The following CTNNA2 variants were observed in gnomAD, a reference collection of about 807,000 sequenced individuals.
CTNNA2 encodes catenin alpha-2.
In CTNNA2, 42 loss-of-function variants were observed where a neutral mutation model predicts 101.0. That is an observed-to-expected ratio of 0.42 (90% CI 0.32 to 0.54). CTNNA2 has a LOEUF of 0.54. CTNNA2 is among the 20% of genes least tolerant of loss of function. CTNNA2 has a pLI of 0.14. For synonymous variants in CTNNA2, 450 were observed against 456.4 expected, an observed-to-expected ratio of 0.99 and a Z score of 0.18; for missense variants, 871 against 1,223.1, an observed-to-expected ratio of 0.71 and a Z score of 4.29.
chr2:80,277,473 G>A (rs1673994271), intron 7 of CTNNA2, among the ~76,000 whole-genome samples: 1 of 146,438 alleles, frequency 6.8e-6, no homozygotes, highest in Non-Finnish European at 1.5e-5. Context: ...GAATTGAGAG[G>A]TAGAGAGAAT....
At chr2:79,813,509 G>A (rs1344605041) in intron 3 of CTNNA2, among the ~76,000 whole-genome samples, 3 of 152,136 alleles carry the variant, frequency 2.0e-5, no homozygotes, top group Admixed American at 6.5e-5. Flanking sequence ...TGAGCAAATG[G>A]TGGCATCATT....
chr2:79,688,632 A>C (rs1684094280), intron 2 of CTNNA2, among the ~76,000 whole-genome samples: 1 of 152,118 alleles, frequency 6.6e-6, no homozygotes. Context: ...AAATATAATA[A>C]ACATTTTTAT....
intron 7 of CTNNA2, among the ~76,000 whole-genome samples, chr2:80,234,927 G>A (rs187045964): frequency 6.6e-6 from 1 of 151,972 alleles, no homozygotes; most frequent in South Asian, 2.1e-4. Context: ...AAATAAATGG[G>A]TGTGGCTGTG....
At chr2:80,072,685 C>T (rs1698420069) in intron 7 of CTNNA2, among the ~76,000 whole-genome samples, 1 of 152,070 alleles carries the variant, frequency 6.6e-6, no homozygotes, top group Admixed American at 6.5e-5. Flanking sequence ...CCACCTATTC[C>T]AACTAAAACC....
At chr2:79,912,817 G>A (rs1685902733) in intron 7 of CTNNA2, among the ~76,000 whole-genome samples, 1 of 152,152 alleles carries the variant, frequency 6.6e-6, no homozygotes, top group Non-Finnish European at 1.5e-5. Flanking sequence ...ATTATGCTGA[G>A]TACTTTAAAT....
At chr2:80,345,591 G>A (rs1296671536) in intron 7 of CTNNA2, among the ~76,000 whole-genome samples, 1 of 151,722 alleles carries the variant, frequency 6.6e-6, no homozygotes, top group Non-Finnish European at 1.5e-5. Flanking sequence ...AGGGATATTT[G>A]TATGTTTAGT....
rs966103855 is a variant in CTNNA2 at position 80,178,851 on chromosome 2, G to A, written c.1057-214360G>A. ...CCTAGAAATTTTACTGAAGTAGAAG[G>A]TCCCTGAATTTTAGTTGGCTTTATT... On this transcript the variant is annotated intron_variant, in intron 7 of 18. Coordinates refer to ENST00000402739, the MANE Select transcript of CTNNA2 (RefSeq NM_001282597.3). Among the ~76,000 whole-genome samples, 6 of 152,280 alleles carry A rather than the reference G, an allele frequency of 3.9e-5. 1 individual carries two copies. The East Asian group carries it at 9.7e-4, about 25-fold the overall frequency.
At chr2:80,118,859 T>G (rs778990512) in intron 7 of CTNNA2, among the ~76,000 whole-genome samples, 2 of 152,208 alleles carry the variant, frequency 1.3e-5, no homozygotes, top group Non-Finnish European at 2.9e-5. Flanking sequence ...CTGATGTGAG[T>G]GCACTGGGAA....
intron 4 of CTNNA2, among the ~76,000 whole-genome samples, chr2:79,412,431 AC>A (rs1678425638): frequency 6.6e-6 from 1 of 152,060 alleles, no homozygotes; most frequent in Admixed American, 6.6e-5. Flanking sequence ...CCCCAAATCA[AC>A]AGAGTATACA....
intron 18 of CTNNA2, among the ~76,000 whole-genome samples, chr2:80,639,930 C>G (rs543155836): frequency 1.3e-5 from 2 of 152,016 alleles, no homozygotes; most frequent in East Asian, 3.9e-4. Context: ...GTGAAACCCC[C>G]ATCTCTACTA....
intron 7 of CTNNA2, among the ~76,000 whole-genome samples, chr2:80,339,575 G>A (rs531089381): frequency 1.3e-5 from 2 of 152,156 alleles, no homozygotes; most frequent in African/African-American, 2.4e-5. Flanking sequence ...TTTAGAAATT[G>A]TAGGTACCTC....
chr2:79,731,885 A>G (rs568009231), intron 2 of CTNNA2, among the ~76,000 whole-genome samples: 59 of 152,070 alleles, frequency 3.9e-4, no homozygotes, highest in African/African-American at 1.4e-3. Context: ...TAAGAGCAAA[A>G]ATAAATATTC....
chr2:79,318,883 A>G (rs755175400), intron 3 of CTNNA2, among the ~76,000 whole-genome samples: 4 of 152,330 alleles, frequency 2.6e-5, no homozygotes, highest in Admixed American at 2.6e-4. Flanking sequence ...CTACTTCTTC[A>G]TATTCATCTG....
At chr2:80,240,456 A>G (rs1670836059) in intron 7 of CTNNA2, among the ~76,000 whole-genome samples, 1 of 152,176 alleles carries the variant, frequency 6.6e-6, no homozygotes, top group African/African-American at 2.4e-5. Flanking sequence ...AGATATGTGC[A>G]CCGTAGTCCC....
At chr2:79,818,316 G>GT (rs1677697257) in intron 3 of CTNNA2, among the ~76,000 whole-genome samples, 2 of 151,680 alleles carry the variant, frequency 1.3e-5, no homozygotes, top group Non-Finnish European at 2.9e-5. Context: ...CTTTGTTTTT[G>GT]TTTTTTGTTT....
chr2:79,348,679 ATACTT>A (rs1206734026), intron 3 of CTNNA2, among the ~76,000 whole-genome samples: 1 of 152,224 alleles, frequency 6.6e-6, no homozygotes, highest in Non-Finnish European at 1.5e-5. Context: ...GATTCCCAAA[ATACTT>A]TAATTAATCT....
At chr2:80,294,459 ACC>A (rs1675552302) in intron 7 of CTNNA2, among the ~76,000 whole-genome samples, 1 of 150,974 alleles carries the variant, frequency 6.6e-6, no homozygotes, top group Non-Finnish European at 1.5e-5. Flanking sequence ...TGGAGCCCTG[ACC>A]CCATGGAGCC....
intron 3 of CTNNA2, among the ~76,000 whole-genome samples, chr2:79,320,860 A>T (rs1381290689): frequency 6.6e-6 from 1 of 152,204 alleles, no homozygotes; most frequent in Non-Finnish European, 1.5e-5. Context: ...TGGGAATAAT[A>T]AAGACAACCT....
chr2:79,550,723 T>C (rs1234579744), intron 1 of CTNNA2, among the ~76,000 whole-genome samples: 1 of 152,154 alleles, frequency 6.6e-6, no homozygotes, highest in African/African-American at 2.4e-5. Context: ...ATTCCTAGCA[T>C]TGTCTGAATC....
Sources: allele counts gnomAD v4.1 joint callset (sites outside exome capture counted in the v4.1 genomes callset), GRCh38; gene constraint gnomAD v4.1.1; transcripts MANE v1.5; gene names NCBI Gene and HGNC (gene_info 2026-07-23, HGNC 2026-07-21).